POU6F2: variants seen among roughly 807,000 people sequenced by gnomAD.
POU6F2 encodes the protein POU domain, class 6, transcription factor 2.
Under a neutral mutation model 71.3 loss-of-function variants are expected in POU6F2, and 31 were observed. The ratio of observed to expected loss-of-function variants is 0.43; its 90% CI spans 0.33 to 0.59. The LOEUF is 0.59. Among genes scored for constraint, POU6F2 ranks in the 20% least tolerant of loss-of-function variants. The pLI is 0.04. For synonymous variants in POU6F2, 347 were observed against 355.7 expected, an observed-to-expected ratio of 0.98 and a Z score of 0.27; for missense variants, 783 against 856.8, an observed-to-expected ratio of 0.91 and a Z score of 1.07.
At chr7:39,045,640 G>A (rs895886624) in intron 1 of POU6F2, among the ~76,000 whole-genome samples, 1 of 151,216 alleles carries the variant, frequency 6.6e-6, no homozygotes, top group Admixed American at 6.6e-5. Flanking sequence ...AATTTGTGAA[G>A]TTTCACAACC....
chr7:39,091,668 A>C (rs1292691077), intron 2 of POU6F2, among the ~76,000 whole-genome samples: 2 of 152,320 alleles, frequency 1.3e-5, no homozygotes, highest in East Asian at 3.9e-4. Context: ...TGTCATAATT[A>C]ATAAATAGAG....
chr7:39,242,147 G>T (rs1252285773), intron 4 of POU6F2, among the ~76,000 whole-genome samples: 1 of 152,004 alleles, frequency 6.6e-6, no homozygotes, highest in Non-Finnish European at 1.5e-5. Context: ...TTTTATTTTG[G>T]CAATGATAAA....
chr7:39,443,145 A>G (rs952543942), intron 7 of POU6F2, among the ~76,000 whole-genome samples: 3 of 152,128 alleles, frequency 2.0e-5, no homozygotes, highest in African/African-American at 7.2e-5. Context: ...GCAGCAACAT[A>G]TGGTCAGTCC....
At chr7:39,000,399 C>T (rs1788868564) in intron 1 of POU6F2, among the ~76,000 whole-genome samples, 1 of 152,096 alleles carries the variant, frequency 6.6e-6, no homozygotes, top group Non-Finnish European at 1.5e-5. Flanking sequence ...GAAGCAAATA[C>T]AATATTTTTA....
chr7:39,219,719 A>C (rs946544378), intron 4 of POU6F2, among the ~76,000 whole-genome samples: 6 of 152,274 alleles, frequency 3.9e-5, no homozygotes, highest in African/African-American at 1.2e-4. Context: ...AGCCAAAACT[A>C]AAAAAATAAA....
At chr7:39,016,777 C>G (rs1045312556) in intron 1 of POU6F2, among the ~76,000 whole-genome samples, 1 of 151,982 alleles carries the variant, frequency 6.6e-6, no homozygotes, top group Admixed American at 6.6e-5. Flanking sequence ...CGGCGTTAAG[C>G]GTGCTCTCTG....
intron 2 of POU6F2, among the ~76,000 whole-genome samples, chr7:39,115,555 AC>A (rs1178364751): frequency 6.6e-6 from 1 of 152,096 alleles, no homozygotes; most frequent in Non-Finnish European, 1.5e-5. Flanking sequence ...CTTGCCTACT[AC>A]ATAAAGACTT....
At position 39,200,280 on chromosome 7, in the gene POU6F2, C is replaced by T. The variant is rs566218625; in HGVS notation, c.278-3955C>T. Among the ~76,000 whole-genome samples, 132 of 152,314 alleles carry T rather than the reference C, an allele frequency of 8.7e-4. No homozygotes were observed. The Middle Eastern group carries it at 0.01, about 12-fold the overall frequency. Reference sequence around the variant, plus strand: ...CAGGTAGAGTTTCATAAAACATTCACGTGAGCTACGCTTTAGATGCTCTGT... The same window carrying T: ...CAGGTAGAGTTTCATAAAACATTCATGTGAGCTACGCTTTAGATGCTCTGT... On this transcript the variant is annotated intron_variant, in intron 2 of 9. Coordinates refer to ENST00000518318, the MANE Select transcript of POU6F2 (RefSeq NM_001370959.1).
Position 39,461,982 on chromosome 7 carries a change from T to G in POU6F2, c.1658+1267T>G. On this transcript the variant is annotated intron_variant, in intron 9 of 9. Transcript: ENST00000518318. ...TCCCTGTTGGGAAACATTAATTTTG[T>G]TTCATCTTGACAGCCTTGGGATAAA... Among the ~76,000 whole-genome samples the G allele has an allele frequency of 1.3e-5, 2 of 152,248 alleles. 1 individual carries two copies. The highest frequency in any genetic ancestry group is 3.8e-4 in the East Asian group (2 of 5,200).
At position 39,232,241 on chromosome 7, in the gene POU6F2, A is replaced by G. The variant is rs1311519336; in HGVS notation, c.598+24621A>G. Among the ~76,000 whole-genome samples, 5 of 152,288 alleles carry G rather than the reference A, an allele frequency of 3.3e-5. No individual in the cohort carries two copies. The East Asian group carries it at 9.7e-4, about 29-fold the overall frequency. ...ATGCTATTCTTTACATGTTCTTCTG[A>G]TATTAACTAGATGTTTGTTAGCTGT... On this transcript the variant is annotated intron_variant, in intron 4 of 9. Coordinates refer to ENST00000518318, the MANE Select transcript of POU6F2 (RefSeq NM_001370959.1).
At chr7:39,212,211 C>T (rs759937143) in intron 4 of POU6F2, among the ~76,000 whole-genome samples, 2 of 152,090 alleles carry the variant, frequency 1.3e-5, no homozygotes, top group Non-Finnish European at 2.9e-5. Flanking sequence ...CATGGACAAG[C>T]GAGCTTAAGA....
At chr7:39,105,314 G>A (rs1791655564) in intron 2 of POU6F2, among the ~76,000 whole-genome samples, 1 of 151,978 alleles carries the variant, frequency 6.6e-6, no homozygotes, top group Non-Finnish European at 1.5e-5. Flanking sequence ...AAAACAAGTT[G>A]GTGTGTTTGA....
chr7:39,095,674 A>G (rs1189970508), intron 2 of POU6F2, among the ~76,000 whole-genome samples: 1 of 152,186 alleles, frequency 6.6e-6, no homozygotes, highest in Non-Finnish European at 1.5e-5. Flanking sequence ...TGGCTGGGTG[A>G]CAGAAAACTA....
rs557295282 is a variant in POU6F2 at position 39,145,128 on chromosome 7, A to G, written c.277+59097A>G. 4.6e-5 allele frequency among the ~76,000 whole-genome samples: 7 copies of G among 152,358 alleles called. No homozygotes were observed. In the East Asian group the frequency reaches 1.3e-3, roughly 29 times the overall value. On this transcript the variant is annotated intron_variant, in intron 2 of 9. Transcript: ENST00000518318. ...TCTGATATTTCAAGAGAAAATAAAA[A>G]AGTAAACTATTTTTTGCCACTCTAG...
At chr7:39,450,599 G>A (rs76372885) in intron 7 of POU6F2, among the ~76,000 whole-genome samples, 1,953 of 152,204 alleles carry the variant, frequency 0.013, 43 homozygotes, top group African/African-American at 0.044. Flanking sequence ...ACAGTCCTTT[G>A]ATAACCTGTA....
At chr7:39,157,213 T>C (rs1205633637) in intron 2 of POU6F2, among the ~76,000 whole-genome samples, 1 of 152,192 alleles carries the variant, frequency 6.6e-6, no homozygotes, top group African/African-American at 2.4e-5. Flanking sequence ...AAGTACTATG[T>C]TATTGCATGA....
At chr7:39,110,729 A>G (rs994508461) in intron 2 of POU6F2, among the ~76,000 whole-genome samples, 2 of 152,256 alleles carry the variant, frequency 1.3e-5, no homozygotes, top group African/African-American at 4.8e-5. Context: ...TAATTCTTCA[A>G]GGAAATCACT....
chr7:39,423,590 A>C (rs1348447698), intron 6 of POU6F2, among the ~76,000 whole-genome samples: 1 of 152,206 alleles, frequency 6.6e-6, no homozygotes, highest in Non-Finnish European at 1.5e-5. Flanking sequence ...TGCCAGTGAA[A>C]ATGCTGCCAC....
intron 2 of POU6F2, among the ~76,000 whole-genome samples, chr7:39,115,415 T>C (rs1177916564): frequency 6.6e-6 from 1 of 152,176 alleles, no homozygotes; most frequent in East Asian, 1.9e-4. Flanking sequence ...TTCTGGTACT[T>C]TGGGCTCCAA....
Sources: allele counts gnomAD v4.1 joint callset (sites outside exome capture counted in the v4.1 genomes callset), GRCh38; gene constraint gnomAD v4.1.1; transcripts MANE v1.5; gene names NCBI Gene and HGNC (gene_info 2026-07-23, HGNC 2026-07-21).